GALNT13: variants seen among roughly 807,000 people sequenced by gnomAD.
GALNT13 encodes polypeptide N-acetylgalactosaminyltransferase 13.
GALNT13 carries 28 observed loss-of-function variants against 64.2 expected under a neutral mutation model. The observed-to-expected ratio is 0.44, with a 90% CI of 0.32 to 0.60. The LOEUF is 0.60. Ranked by LOEUF, GALNT13 falls within the 20% of genes least tolerant of loss-of-function variation. GALNT13 has a pLI of 0.05. For missense variants in GALNT13, 577 were observed against 669.8 expected (o/e 0.86, Z 1.53); for synonymous variants, 214 against 224.6 (o/e 0.95, Z 0.42).
the GALNT13 span, among the ~76,000 whole-genome samples, chr2:153,676,897 C>T: frequency 2.0e-5 from 3 of 151,966 alleles, no homozygotes; most frequent in Non-Finnish European, 4.4e-5. Flanking sequence ...TGAAAACCAT[C>T]TACGAAAAAA....
At chr2:154,262,160 C>T (rs1445314984) in intron 8 of GALNT13, among the ~76,000 whole-genome samples, 3 of 152,060 alleles carry the variant, frequency 2.0e-5, no homozygotes, top group Non-Finnish European at 4.4e-5. Context: ...AGATCCTTGG[C>T]ATATAATAAT....
chr2:154,078,148 A>G (rs1266240912), intron 3 of GALNT13, among the ~76,000 whole-genome samples: 1 of 151,480 alleles, frequency 6.6e-6, no homozygotes, highest in East Asian at 1.9e-4. Flanking sequence ...TACCAGTATA[A>G]GTTGCTTCTT....
At chr2:154,361,434 T>A (rs1221854324) in intron 9 of GALNT13, among the ~76,000 whole-genome samples, 2 of 152,220 alleles carry the variant, frequency 1.3e-5, no homozygotes, top group East Asian at 3.9e-4. Flanking sequence ...TTTGGAGTGA[T>A]CTTATGACTT....
intron 3 of GALNT13, among the ~76,000 whole-genome samples, chr2:154,130,403 C>T (rs965428917): frequency 6.6e-6 from 1 of 152,038 alleles, no homozygotes; most frequent in African/African-American, 2.4e-5. Context: ...GCACAACCGC[C>T]CTCAACAAAG....
At chr2:153,361,620 T>C in the GALNT13 span, among the ~76,000 whole-genome samples, 1 of 151,658 alleles carries the variant, frequency 6.6e-6, no homozygotes. Context: ...AGAAAAAATA[T>C]CAGAGTTTGA....
chr2:153,083,248 G>C, the GALNT13 span, among the ~76,000 whole-genome samples: 1 of 151,956 alleles, frequency 6.6e-6, no homozygotes, highest in African/African-American at 2.4e-5. Flanking sequence ...TGAATGAAAA[G>C]GTAGTTTTAC....
the GALNT13 span, among the ~76,000 whole-genome samples, chr2:153,805,658 G>A: frequency 6.6e-6 from 1 of 151,886 alleles, no homozygotes; most frequent in South Asian, 2.1e-4. Flanking sequence ...AGCGAGGTGG[G>A]GATTATAGGA....
chr2:154,359,103 C>T (rs1696918102), intron 9 of GALNT13, among the ~76,000 whole-genome samples: 1 of 152,064 alleles, frequency 6.6e-6, no homozygotes, highest in Non-Finnish European at 1.5e-5. Flanking sequence ...ATTTCATTTA[C>T]TTCTATGTGT....
At chr2:153,774,248 C>G in the GALNT13 span, among the ~76,000 whole-genome samples, 495 of 151,924 alleles carry the variant, frequency 3.3e-3, 5 homozygotes, top group African/African-American at 0.011. Context: ...TTGAAAAACT[C>G]AAGAGTAAAT....
At position 154,188,014 on chromosome 2, in the gene GALNT13, TTCTCTCTCTC is replaced by T. The variant is rs10635676; in HGVS notation, c.311+47534_311+47543del. Among the ~76,000 whole-genome samples, 1,289 of 144,440 alleles carry T rather than the reference TTCTCTCTCTC, an allele frequency of 8.9e-3. 4 individuals are homozygous for T. Among genetic ancestry groups the T allele is most frequent in the Middle Eastern group, 0.011 (3 of 278 alleles). 94.8% of individuals were successfully genotyped at this position (144,440 alleles called of 152,430 possible). ...TAGTGATGTAGCTAGGCATCAGGCATTCTCTCTCTCTCTCTCTCTCTCTCTCTCTCTCTCC... is the reference window on the plus strand; with the variant it reads ...TAGTGATGTAGCTAGGCATCAGGCATTCTCTCTCTCTCTCTCTCTCTCTCC... On this transcript the variant is annotated intron_variant, in intron 4 of 12. Coordinates refer to ENST00000392825, the MANE Select transcript of GALNT13 (RefSeq NM_052917.4).
intron 3 of GALNT13, among the ~76,000 whole-genome samples, chr2:154,033,793 G>A (rs1698489129): frequency 6.6e-6 from 1 of 152,066 alleles, no homozygotes; most frequent in African/African-American, 2.4e-5. Flanking sequence ...CAAAAAATTA[G>A]CCAGGCATGG....
chr2:153,906,656 T>C (rs1371057034), intron 2 of GALNT13, among the ~76,000 whole-genome samples: 1 of 151,884 alleles, frequency 6.6e-6, no homozygotes. Flanking sequence ...TGTTGGACAT[T>C]TGGGTTGGTT....
chr2:154,293,299 T>G (rs1327994040), intron 8 of GALNT13, among the ~76,000 whole-genome samples: 1 of 152,142 alleles, frequency 6.6e-6, no homozygotes, highest in Non-Finnish European at 1.5e-5. Flanking sequence ...GGTATTCTAA[T>G]TAGAAGCTAA....
chr2:153,150,973 T>C, the GALNT13 span, among the ~76,000 whole-genome samples: 1 of 152,020 alleles, frequency 6.6e-6, no homozygotes, highest in South Asian at 2.1e-4. Context: ...TTTGGTTCCA[T>C]ATGAACTTTA....
At chr2:154,141,976 T>C (rs1416678369) in intron 4 of GALNT13, among the ~76,000 whole-genome samples, 2 of 152,202 alleles carry the variant, frequency 1.3e-5, no homozygotes, top group African/African-American at 4.8e-5. Flanking sequence ...ATTGTAATTC[T>C]AATATATGGT....
the GALNT13 span, among the ~76,000 whole-genome samples, chr2:153,404,547 A>G: frequency 6.6e-6 from 1 of 152,100 alleles, no homozygotes; most frequent in Non-Finnish European, 1.5e-5. Context: ...AAATCTAGGA[A>G]AAGTATTTCC....
chr2:153,478,292 C>T, the GALNT13 span: 1 of 1,614,076 alleles, frequency 6.2e-7, no homozygotes, highest in Non-Finnish European at 8.5e-7. Flanking sequence ...CGGTCCTTCA[C>T]GAGGAAGTTG....
intron 3 of GALNT13, among the ~76,000 whole-genome samples, chr2:154,005,783 C>G (rs1696208281): frequency 6.6e-6 from 1 of 151,964 alleles, no homozygotes; most frequent in Admixed American, 6.6e-5. Flanking sequence ...GTTTCTTTAA[C>G]TTTTGTGTGC....
At chr2:154,042,965 T>A (rs1699066740) in intron 3 of GALNT13, among the ~76,000 whole-genome samples, 2 of 152,120 alleles carry the variant, frequency 1.3e-5, no homozygotes, top group South Asian at 2.1e-4. Flanking sequence ...GGGTGGCATA[T>A]GACTATGTTG....
Sources: gnomAD v4.1 joint callset for allele counts (sites outside exome capture counted in the v4.1 genomes callset) on GRCh38, gnomAD v4.1.1 for gene constraint, MANE v1.5 for transcripts, NCBI Gene and HGNC (gene_info 2026-07-23, HGNC 2026-07-21) for gene names.